MRPS21: variants seen among roughly 807,000 people sequenced by gnomAD.
MRPS21 encodes the protein small ribosomal subunit protein bS21m.
In MRPS21, 8 loss-of-function variants were observed where a neutral mutation model predicts 9.9. The ratio of observed to expected loss-of-function variants is 0.81; its 90% CI spans 0.47 to 1.45. The LOEUF is 1.45. Ranked by LOEUF, MRPS21 falls within the 40% of genes most tolerant of loss-of-function variation. The probability of loss-of-function intolerance (pLI) is 0.00; values close to 1 mark genes in which losing one functional copy is unlikely to be tolerated. For synonymous variants in MRPS21, 40 were observed against 40.3 expected (o/e 0.99, Z 0.03); for missense variants, 101 against 118.9 (o/e 0.85, Z 0.70).
intron 2 of MRPS21, among the ~76,000 whole-genome samples, chr1:150,296,517 CTTG>C (rs1653921003): frequency 1.3e-5 from 2 of 152,124 alleles, no homozygotes; most frequent in South Asian, 2.1e-4. Flanking sequence ...TGAGTGCACT[CTTG>C]TTGTGCCTGT....
intron 2 of MRPS21, among the ~76,000 whole-genome samples, chr1:150,298,011 G>T (rs1653979900): frequency 6.6e-6 from 1 of 151,274 alleles, no homozygotes; most frequent in Non-Finnish European, 1.5e-5. Context: ...TCGGCTCACC[G>T]CAACCTCTGC....
chr1:150,308,198 G>C lies in MRPS21; in HGVS notation c.234G>C (p.Lys78Asn). Residue 78 changes from lysine (K) to asparagine (N), a missense_variant, in exon 3 of 3, where the codon AAG (lysine) becomes AAC (asparagine). Lys to Asn is a moderately conservative substitution (Grantham distance 94). Transcript: ENST00000614145. ...GCAAGATCAACTTCTTGATGCGAAAGAATCGGGCAGATCCGTGGCAGGGCT... is the reference window on the plus strand; with the variant it reads ...GCAAGATCAACTTCTTGATGCGAAACAATCGGGCAGATCCGTGGCAGGGCT... ...MARKINFLMR[K>N]NRADPWQGC is the part of the protein sequence containing the mutation. 7.5e-6 allele frequency: 12 copies of C among 1,602,246 alleles called. No homozygotes were observed. The highest frequency in any genetic ancestry group is 1.0e-5 in the Non-Finnish European group (12 of 1,169,966).
chr1:150,307,985 A>G, intron 2 of MRPS21, 63 bp from the exon 3 acceptor site: 4 of 1,415,126 alleles, frequency 2.8e-6, no homozygotes, highest in East Asian at 2.3e-5. Context: ...ACTTCTATTT[A>G]TGAAACTGGA....
At chr1:150,307,504 T>A (rs782269558) in intron 2 of MRPS21, among the ~76,000 whole-genome samples, 7 of 151,370 alleles carry the variant, frequency 4.6e-5, no homozygotes, top group Non-Finnish European at 1.0e-4. Flanking sequence ...ACTACAGGCA[T>A]GTACCACCAT....
At chr1:150,302,274 TC>T (rs1654165787) in intron 2 of MRPS21, among the ~76,000 whole-genome samples, 1 of 152,146 alleles carries the variant, frequency 6.6e-6, no homozygotes, top group Non-Finnish European at 1.5e-5. Context: ...AGCCTACGTG[TC>T]TGTCCAGTGA....
At chr1:150,298,565 A>G (rs1163274089) in intron 2 of MRPS21, among the ~76,000 whole-genome samples, 1 of 152,206 alleles carries the variant, frequency 6.6e-6, no homozygotes, top group African/African-American at 2.4e-5. Flanking sequence ...AGCTACTTTG[A>G]CAAAAAACAA....
intron 2 of MRPS21, chr1:150,304,064 A>G (rs587710258): frequency 2.6e-6 from 1 of 383,112 alleles, no homozygotes; most frequent in Non-Finnish European, 5.4e-6. Context: ...CAATCCCAGC[A>G]CTTTGGGAGG....
chr1:150,305,638 C>T (rs1654301408), intron 2 of MRPS21, among the ~76,000 whole-genome samples: 1 of 151,922 alleles, frequency 6.6e-6, no homozygotes, highest in South Asian at 2.1e-4. Context: ...ATCTTTTGCC[C>T]AGCTGGAGTG....
chr1:150,301,889 T>C (rs587732191), intron 2 of MRPS21, among the ~76,000 whole-genome samples: 1 of 152,264 alleles, frequency 6.6e-6, no homozygotes, highest in South Asian at 2.1e-4. Context: ...TGAGCCACCG[T>C]GCCCGGCCTC....
chr1:150,294,470 A>G (rs782152865), intron 2 of MRPS21, 21 bp downstream of exon 2: 5 of 1,586,900 alleles, frequency 3.2e-6, no homozygotes, highest in Non-Finnish European at 4.3e-6. Context: ...AGGGACCAGA[A>G]TCATGCCTAG....
rs200920233 is a variant in MRPS21, at chr1:150,308,029, A to C, written c.84-19A>C. ...ATGATGATCCCAAATGTCTAACCTC[A>C]TTGCTTGCCTTTATACAGAATCCTC... On this transcript the variant is annotated intron_variant, in intron 2 of 2. Coordinates refer to ENST00000614145, the MANE Select transcript of MRPS21 (RefSeq NM_031901.6). The C allele has an allele frequency of 6.5e-7, 1 of 1,549,620 alleles. No individual in the cohort carries two copies. Among genetic ancestry groups the C allele is most frequent in the Non-Finnish European group, 8.8e-7 (1 of 1,134,158 alleles).
chr1:150,301,939 A>ACGTG (rs1449612847), intron 2 of MRPS21, among the ~76,000 whole-genome samples: 1 of 152,196 alleles, frequency 6.6e-6, no homozygotes, highest in East Asian at 1.9e-4. Flanking sequence ...AAGCTTGCAT[A>ACGTG]CGTGAGCAGA....
chr1:150,305,605 T>C (rs1654300453), intron 2 of MRPS21, among the ~76,000 whole-genome samples: 1 of 152,060 alleles, frequency 6.6e-6, no homozygotes, highest in Non-Finnish European at 1.5e-5. Flanking sequence ...TGTTTTGTTT[T>C]TGTTTTTTGA....
At chr1:150,306,674 T>G (rs947329622) in intron 2 of MRPS21, among the ~76,000 whole-genome samples, 1 of 152,180 alleles carries the variant, frequency 6.6e-6, no homozygotes, top group Non-Finnish European at 1.5e-5. Flanking sequence ...TTTGTATTTT[T>G]AGTAGAGACA....
intron 2 of MRPS21, among the ~76,000 whole-genome samples, chr1:150,306,197 C>T (rs74523937): frequency 1.3e-5 from 2 of 152,208 alleles, no homozygotes; most frequent in African/African-American, 2.4e-5. Flanking sequence ...TACTTATTCA[C>T]ATTTCAGATG....
chr1:150,295,578 T>C (rs1553856405), intron 2 of MRPS21, among the ~76,000 whole-genome samples: 1 of 152,024 alleles, frequency 6.6e-6, no homozygotes, highest in African/African-American at 2.4e-5. Flanking sequence ...GAGGGAGTGA[T>C]TGGTGTGGGA....
intron 2 of MRPS21, among the ~76,000 whole-genome samples, chr1:150,295,976 G>T (rs951405816): frequency 1.5e-5 from 2 of 135,342 alleles, no homozygotes; most frequent in East Asian, 4.0e-4. Context: ...TTTTTAAAAC[G>T]GAGTCTTGCT....
chr1:150,308,003 A>T (rs781872547), intron 2 of MRPS21, 45 bp from the exon 3 acceptor site: 92 of 1,468,116 alleles, frequency 6.3e-5, no homozygotes, highest in Non-Finnish European at 8.3e-5. Context: ...GGAAAAGAAT[A>T]ATGATGATCC....
chr1:150,308,039 T>TCACTATGTATGGGCTGTATGC lies in MRPS21; in HGVS notation c.84-9_84-8insCACTATGTATGGGCTGTATGC. ...CAAATGTCTAACCTCATTGCTTGCC[T>TCACTATGTATGGGCTGTATGC]TTATACAGAATCCTCACTATGGATG... On this transcript the variant is annotated splice_polypyrimidine_tract_variant and intron_variant, in intron 2 of 2. Coordinates refer to ENST00000614145, the MANE Select transcript of MRPS21 (RefSeq NM_031901.6). The TCACTATGTATGGGCTGTATGC allele has an allele frequency of 6.4e-7, 1 of 1,571,624 alleles. No individual in the cohort carries two copies. The highest frequency in any genetic ancestry group is 1.3e-5 in the African/African-American group (1 of 74,312).
Sources: allele counts gnomAD v4.1 joint callset (sites outside exome capture counted in the v4.1 genomes callset), GRCh38; gene constraint gnomAD v4.1.1; transcripts MANE v1.5; gene names NCBI Gene and HGNC (gene_info 2026-07-23, HGNC 2026-07-21).